Variants in HECW1 observed in about 807,000 individuals in gnomAD.
The protein encoded by HECW1 is HECT, C2 and WW domain containing E3 ubiquitin protein ligase 1.
Under a neutral mutation model 182.3 loss-of-function variants are expected in HECW1, and 61 were observed. The observed-to-expected ratio is 0.33, with a 90% CI of 0.27 to 0.41. The LOEUF (loss-of-function observed/expected upper bound fraction) is 0.41. Ranked by LOEUF, HECW1 falls within the 10% of genes least tolerant of loss-of-function variation. The pLI is 1.00. For synonymous variants in HECW1, 859 were observed against 832.6 expected, an observed-to-expected ratio of 1.03 and a Z score of -0.55; for missense variants, 1,739 against 2,108.9, an observed-to-expected ratio of 0.82 and a Z score of 3.44.
chr7:43,293,652 C>T (rs1021817266), intron 3 of HECW1, among the ~76,000 whole-genome samples: 1 of 152,236 alleles, frequency 6.6e-6, no homozygotes, highest in East Asian at 1.9e-4. Context: ...TTCAGCATCA[C>T]ATGCCTAAAG....
intron 2 of HECW1, among the ~76,000 whole-genome samples, chr7:43,180,459 G>A (rs1330807009): frequency 2.0e-5 from 3 of 151,892 alleles, no homozygotes; most frequent in East Asian, 3.9e-4. Context: ...GCAGTGGTGC[G>A]ATCTCGGCTC....
chr7:43,368,915 T>G (rs1180677180), intron 6 of HECW1, among the ~76,000 whole-genome samples: 1 of 152,142 alleles, frequency 6.6e-6, no homozygotes, highest in Non-Finnish European at 1.5e-5. Context: ...AGAAATGACA[T>G]TAGAAAAAAT....
Position 43,123,333 on chromosome 7 carries a change from C to G in HECW1, c.-32+8942C>G, listed in dbSNP as rs78309855. Among the ~76,000 whole-genome samples, 64 of 152,252 alleles carry G rather than the reference C, an allele frequency of 4.2e-4. No homozygotes were observed. In the East Asian group the frequency reaches 0.011, roughly 26 times the overall value. On this transcript the variant is annotated intron_variant, in intron 2 of 29. Coordinates refer to ENST00000395891, the MANE Select transcript of HECW1 (RefSeq NM_015052.5). ...TTAGAAATCATCGTGACATTCTTGG[C>G]TTAAACTTAATTTTACCAAAACTGA...
At chr7:43,487,502 G>GCT (rs1208000226) in intron 17 of HECW1, among the ~76,000 whole-genome samples, 1 of 152,156 alleles carries the variant, frequency 6.6e-6, no homozygotes, top group Non-Finnish European at 1.5e-5. Context: ...GCCACCAAGG[G>GCT]CTCTCTCTCC....
chr7:43,459,191 C>T (rs917795688), intron 13 of HECW1, among the ~76,000 whole-genome samples: 1 of 152,164 alleles, frequency 6.6e-6, no homozygotes, highest in East Asian at 1.9e-4. Flanking sequence ...TGACTTCCTC[C>T]CCTATAGCTT....
At chr7:43,508,246 C>T (rs532138296) in intron 23 of HECW1, 115 bp downstream of exon 23, 11 of 616,976 alleles carry the variant, frequency 1.8e-5, no homozygotes, top group East Asian at 5.6e-5. Context: ...CACCCCAATG[C>T]GATTCTGATC....
rs1463451636 is a variant in HECW1 at position 43,508,127 on chromosome 7, G to A, written c.3862G>A (p.Glu1288Lys). The change falls in exon 23 of 30, where the codon GAG becomes AAG. Residue 1288 changes from glutamate to lysine, a missense_variant. This residue lies in a region of HECW1 where 420 missense variants were observed against 595.7 expected (regional missense o/e 0.71). Coordinates refer to ENST00000395891, the MANE Select transcript of HECW1 (RefSeq NM_015052.5). ...NKLYVTFVGE[E>K]GLDYSGPSRE... The stretch of plus-strand genomic sequence containing the variant: ...GCTCTACGTCACCTTTGTTGGAGAG[G>A]AGGGGTGAGGCACCAGGAGTTTTAT... 3 of 1,610,598 alleles carry A rather than the reference G, an allele frequency of 1.9e-6. No homozygotes were observed. The highest frequency in any genetic ancestry group is 2.5e-6 in the Non-Finnish European group (3 of 1,177,004).
At chr7:43,250,181 G>A (rs1799881658) in intron 3 of HECW1, among the ~76,000 whole-genome samples, 1 of 151,802 alleles carries the variant, frequency 6.6e-6, no homozygotes, top group Admixed American at 6.6e-5. Flanking sequence ...AATAAAACTG[G>A]ATTTGGTAGC....
At chr7:43,116,523 G>A (rs1357400934) in intron 2 of HECW1, among the ~76,000 whole-genome samples, 2 of 152,208 alleles carry the variant, frequency 1.3e-5, no homozygotes, top group African/African-American at 4.8e-5. Flanking sequence ...TTAGACCAGA[G>A]ACAACCATCC....
At chr7:43,431,880 CTTT>C (rs200886623) in intron 8 of HECW1, among the ~76,000 whole-genome samples, 3 of 76,196 alleles carry the variant, frequency 3.9e-5, no homozygotes, top group Non-Finnish European at 6.8e-5. Context: ...CCGACACTTG[CTTT>C]TTTTTTTTTT....
At chr7:43,210,973 A>G (rs1260681145) in intron 2 of HECW1, among the ~76,000 whole-genome samples, 2 of 152,248 alleles carry the variant, frequency 1.3e-5, no homozygotes, top group Non-Finnish European at 2.9e-5. Context: ...GAGGGGACCC[A>G]AAGAGGGTAG....
chr7:43,195,753 A>G (rs1017934874), intron 2 of HECW1, among the ~76,000 whole-genome samples: 7 of 152,208 alleles, frequency 4.6e-5, no homozygotes, highest in African/African-American at 1.7e-4. Context: ...GTGCAGGCAT[A>G]TTAAAGAGAG....
intron 29 of HECW1, among the ~76,000 whole-genome samples, chr7:43,560,098 C>T (rs1203998137): frequency 6.6e-6 from 1 of 152,182 alleles, no homozygotes; most frequent in Admixed American, 6.5e-5. Context: ...TATCTCGCCC[C>T]TGGCTAATTC....
intron 3 of HECW1, among the ~76,000 whole-genome samples, chr7:43,283,278 T>A (rs1380794699): frequency 6.7e-6 from 1 of 150,068 alleles, no homozygotes; most frequent in African/African-American, 2.5e-5. Flanking sequence ...TCACTCTCAT[T>A]ATCTCACGAG....
chr7:43,451,462 C>T (rs976379195), intron 12 of HECW1, among the ~76,000 whole-genome samples: 2 of 152,192 alleles, frequency 1.3e-5, no homozygotes, highest in Non-Finnish European at 2.9e-5. Context: ...AAAATATCAT[C>T]TTTAAGATAG....
At chr7:43,292,844 G>T (rs1212333340) in intron 3 of HECW1, among the ~76,000 whole-genome samples, 5 of 152,216 alleles carry the variant, frequency 3.3e-5, no homozygotes, top group Admixed American at 3.3e-4. Flanking sequence ...GTGACTGCAA[G>T]TTGTCCAGGT....
chr7:43,355,378 C>T (rs1173628098), intron 5 of HECW1, among the ~76,000 whole-genome samples: 1 of 152,026 alleles, frequency 6.6e-6, no homozygotes, highest in Non-Finnish European at 1.5e-5. Context: ...CCTTTAGCAA[C>T]CTGTTAAGAG....
rs1052430589 is a variant in HECW1, at chr7:43,209,329, G to A, written c.-31-34546G>A. Among the ~76,000 whole-genome samples the A allele has an allele frequency of 9.9e-5, 15 of 152,096 alleles. No homozygotes were observed. The South Asian group carries it at 1.0e-3, about 11-fold the overall frequency. ...TCAGAGCCAGAGCTGATGATGCCTCGCAGGCAAGTGTCCTCAGCCAGGGCC... is the reference window on the plus strand; with the variant it reads ...TCAGAGCCAGAGCTGATGATGCCTCACAGGCAAGTGTCCTCAGCCAGGGCC... On this transcript the variant is annotated intron_variant, in intron 2 of 29. Coordinates refer to ENST00000395891, the MANE Select transcript of HECW1 (RefSeq NM_015052.5).
chr7:43,452,868 A>T (rs2077279630), intron 12 of HECW1, among the ~76,000 whole-genome samples: 1 of 152,132 alleles, frequency 6.6e-6, no homozygotes, highest in South Asian at 2.1e-4. Context: ...GGGCAGGAAG[A>T]GCTTTGCAGG....
Sources: allele counts gnomAD v4.1 joint callset (sites outside exome capture counted in the v4.1 genomes callset), GRCh38; gene constraint gnomAD v4.1.1; regional missense constraint gnomAD v4.1.1; transcripts MANE v1.5; gene names NCBI Gene and HGNC (gene_info 2026-07-23, HGNC 2026-07-21).